Variants in WWOX observed in about 807,000 individuals in gnomAD.
WWOX encodes WW domain containing oxidoreductase.
A neutral mutation model predicts 46.2 loss-of-function variants in WWOX; 69 were observed. The ratio of observed to expected loss-of-function variants is 1.49; its 90% CI spans 1.23 to 1.82. The LOEUF (loss-of-function observed/expected upper bound fraction) is 1.82, where lower values mean the gene tolerates loss of function less well. Ranked by LOEUF, WWOX falls within the 40% of genes most tolerant of loss-of-function variation. The pLI, the probability that WWOX is intolerant of heterozygous loss-of-function variation, is 0.00. For synonymous variants in WWOX, 359 were observed against 202.6 expected (o/e 1.77, Z -6.56); for missense variants, 919 against 542.6 (o/e 1.69, Z -6.89).
intron 8 of WWOX, among the ~76,000 whole-genome samples, chr16:78,964,278 G>C (rs1404245734): frequency 6.6e-6 from 1 of 152,334 alleles, no homozygotes; most frequent in South Asian, 2.1e-4. Context: ...CTAGAGACTT[G>C]TTGAATGGCT....
intron 8 of WWOX, among the ~76,000 whole-genome samples, chr16:79,096,167 C>T (rs1190586412): frequency 1.3e-5 from 2 of 151,944 alleles, no homozygotes; most frequent in Non-Finnish European, 2.9e-5. Context: ...AGAGCCTGAC[C>T]ACAGTCCTTT....
intron 5 of WWOX, among the ~76,000 whole-genome samples, chr16:78,189,246 C>A (rs1439030839): frequency 6.6e-6 from 1 of 152,190 alleles, no homozygotes; most frequent in East Asian, 1.9e-4. Context: ...ACAGCAAGAT[C>A]TTCAGAGCTG....
At chr16:78,722,203 C>G (rs564088954) in intron 8 of WWOX, among the ~76,000 whole-genome samples, 1 of 152,198 alleles carries the variant, frequency 6.6e-6, no homozygotes, top group Non-Finnish European at 1.5e-5. Context: ...GGCACGATGA[C>G]CGCAGCTCCT....
intron 5 of WWOX, among the ~76,000 whole-genome samples, chr16:78,205,885 C>T (rs74704311): frequency 0.068 from 10,258 of 151,494 alleles, 601 homozygotes; most frequent in African/African-American, 0.16. Context: ...CCCTTCCTCC[C>T]ATCCTCCCTT....
intron 8 of WWOX, among the ~76,000 whole-genome samples, chr16:78,780,989 G>C (rs1444882536): frequency 6.6e-6 from 1 of 152,200 alleles, no homozygotes; most frequent in Admixed American, 6.5e-5. Flanking sequence ...GCAGACTGGT[G>C]TGGCCGAAGG....
chr16:78,492,300 A>G (rs1229366081), intron 8 of WWOX, among the ~76,000 whole-genome samples: 1 of 151,792 alleles, frequency 6.6e-6, no homozygotes, highest in Non-Finnish European at 1.5e-5. Context: ...CAAACTGTAT[A>G]ATTTTTTTCT....
At chr16:78,881,882 G>T (rs1349456962) in intron 8 of WWOX, among the ~76,000 whole-genome samples, 1 of 152,170 alleles carries the variant, frequency 6.6e-6, no homozygotes, top group Non-Finnish European at 1.5e-5. Context: ...CAGCACTTTG[G>T]TAGGCCGAGG....
chr16:78,562,004 C>G (rs1017151576), intron 8 of WWOX, among the ~76,000 whole-genome samples: 5 of 152,124 alleles, frequency 3.3e-5, no homozygotes, highest in African/African-American at 1.2e-4. Flanking sequence ...TTCAGGATTG[C>G]TATAATGATG....
chr16:79,180,425 A>T (rs1402853540), intron 8 of WWOX, among the ~76,000 whole-genome samples: 5 of 152,146 alleles, frequency 3.3e-5, no homozygotes, highest in Non-Finnish European at 7.3e-5. Flanking sequence ...AGAGGGTTTC[A>T]CCCATTATAA....
chr16:78,418,722 A>G (rs1479109059), intron 6 of WWOX, among the ~76,000 whole-genome samples: 1 of 152,166 alleles, frequency 6.6e-6, no homozygotes, highest in African/African-American at 2.4e-5. Context: ...ACATAAAAAC[A>G]TGTTTTAAAA....
At chr16:79,162,784 G>A (rs1208017307) in intron 8 of WWOX, among the ~76,000 whole-genome samples, 1 of 152,172 alleles carries the variant, frequency 6.6e-6, no homozygotes, top group African/African-American at 2.4e-5. Context: ...TGTGCTGGGG[G>A]AGCCAGTAGA....
At chr16:78,844,935 G>A (rs990101376) in intron 8 of WWOX, among the ~76,000 whole-genome samples, 4 of 152,274 alleles carry the variant, frequency 2.6e-5, no homozygotes, top group Admixed American at 2.6e-4. Context: ...GGCCCTGAGA[G>A]AACAACAAAG....
At chr16:78,418,060 C>T (rs1005181493) in intron 6 of WWOX, among the ~76,000 whole-genome samples, 13 of 152,220 alleles carry the variant, frequency 8.5e-5, no homozygotes, top group African/African-American at 1.9e-4. Context: ...TTCCAGCAAG[C>T]GCTTAAAGAA....
At chr16:78,620,206 T>C (rs2046142795) in intron 8 of WWOX, among the ~76,000 whole-genome samples, 1 of 152,222 alleles carries the variant, frequency 6.6e-6, no homozygotes, top group Admixed American at 6.5e-5. Flanking sequence ...TCTAAGGAAC[T>C]GGCTTAACCA....
At chr16:78,514,696 G>C (rs2085446540) in intron 8 of WWOX, among the ~76,000 whole-genome samples, 1 of 152,164 alleles carries the variant, frequency 6.6e-6, no homozygotes, top group South Asian at 2.1e-4. Context: ...TTATTAAGTG[G>C]AATAAGCAGT....
intron 8 of WWOX, among the ~76,000 whole-genome samples, chr16:78,555,510 T>G (rs1371437786): frequency 3.3e-5 from 5 of 151,960 alleles, no homozygotes; most frequent in Non-Finnish European, 7.4e-5. Flanking sequence ...AACATCGATG[T>G]CTCGGGGCTT....
At chr16:78,472,677 T>C (rs558373278) in intron 8 of WWOX, among the ~76,000 whole-genome samples, 5 of 151,718 alleles carry the variant, frequency 3.3e-5, no homozygotes, top group African/African-American at 1.2e-4. Flanking sequence ...GGAATGGTGG[T>C]ACACAGCTGT....
intron 8 of WWOX, chr16:78,552,991 C>G (rs573620321): frequency 6.6e-6 from 1 of 152,382 alleles, no homozygotes; most frequent in Admixed American, 6.5e-5. Flanking sequence ...GAGTTTTGAG[C>G]TGGAAGCTAT....
chr16:78,705,089 T>G (rs2048303899), intron 8 of WWOX, among the ~76,000 whole-genome samples: 1 of 152,190 alleles, frequency 6.6e-6, no homozygotes, highest in African/African-American at 2.4e-5. Context: ...ATTGAGTTAG[T>G]TATTCCTTTT....
Sources: gnomAD v4.1 joint callset for allele counts (sites outside exome capture counted in the v4.1 genomes callset) on GRCh38, gnomAD v4.1.1 for gene constraint, MANE v1.5 for transcripts, NCBI Gene and HGNC (gene_info 2026-07-23, HGNC 2026-07-21) for gene names.